The following SLC4A10 variants were observed in gnomAD, a reference collection of about 807,000 sequenced individuals.
SLC4A10 encodes the protein sodium-driven chloride bicarbonate exchanger.
In SLC4A10, 42 loss-of-function variants were observed where a neutral mutation model predicts 137.7. The observed-to-expected ratio is 0.30, with a 90% CI of 0.24 to 0.39. SLC4A10 has a LOEUF of 0.39. SLC4A10 is among the 10% of genes least tolerant of loss of function. SLC4A10 has a pLI of 1.00. For synonymous variants in SLC4A10, 474 were observed against 464.1 expected (o/e 1.02, Z -0.27); for missense variants, 925 against 1,355.0 (o/e 0.68, Z 4.98).
At chr2:161,759,613 A>G (rs2050032863) in intron 1 of SLC4A10, among the ~76,000 whole-genome samples, 1 of 151,990 alleles carries the variant, frequency 6.6e-6, no homozygotes, top group Non-Finnish European at 1.5e-5. Flanking sequence ...TATTTCACTT[A>G]GCGTAATGTA....
chr2:161,731,732 T>G (rs1307760165), intron 1 of SLC4A10, among the ~76,000 whole-genome samples: 1 of 152,170 alleles, frequency 6.6e-6, no homozygotes, highest in Non-Finnish European at 1.5e-5. Context: ...AATCTCTGTT[T>G]TTTGATGGGT....
intron 10 of SLC4A10, among the ~76,000 whole-genome samples, chr2:161,885,442 C>T (rs1575451882): frequency 1.3e-5 from 2 of 152,224 alleles, no homozygotes. Context: ...CTTCTCTGTA[C>T]TTGGAACACT....
chr2:161,980,620 G>T (rs1244797493), intron 26 of SLC4A10, among the ~76,000 whole-genome samples: 1 of 152,148 alleles, frequency 6.6e-6, no homozygotes, highest in Non-Finnish European at 1.5e-5. Flanking sequence ...CTGCACTCCA[G>T]CCTGGGCAAC....
chr2:161,892,435 C>G (rs1325364172), intron 10 of SLC4A10, among the ~76,000 whole-genome samples: 1 of 151,590 alleles, frequency 6.6e-6, no homozygotes, highest in Non-Finnish European at 1.5e-5. Flanking sequence ...ATCTCTTTCT[C>G]AAAATACAAC....
chr2:161,823,287 G>A (rs2057769610), intron 3 of SLC4A10, among the ~76,000 whole-genome samples: 1 of 152,326 alleles, frequency 6.6e-6, no homozygotes, highest in East Asian at 1.9e-4. Context: ...ACTGCATACA[G>A]TTTACTGTTG....
intron 1 of SLC4A10, among the ~76,000 whole-genome samples, chr2:161,665,232 T>C (rs1442452686): frequency 2.0e-5 from 3 of 151,734 alleles, no homozygotes; most frequent in Non-Finnish European, 3.0e-5. Context: ...TTCAAAAGAG[T>C]TCATTTTACT....
intron 1 of SLC4A10, among the ~76,000 whole-genome samples, chr2:161,758,761 C>T (rs923767534): frequency 1.3e-5 from 2 of 151,916 alleles, no homozygotes; most frequent in African/African-American, 4.8e-5. Flanking sequence ...CATCTATCCT[C>T]ATCCCCTTCT....
chr2:161,727,304 C>T (rs191905897), intron 1 of SLC4A10, among the ~76,000 whole-genome samples: 77 of 152,234 alleles, frequency 5.1e-4, no homozygotes, highest in African/African-American at 1.8e-3. Context: ...ATCAGTGTTC[C>T]CCCCAAAAAA....
At chr2:161,718,322 C>T (rs1244146779) in intron 1 of SLC4A10, among the ~76,000 whole-genome samples, 2 of 151,790 alleles carry the variant, frequency 1.3e-5, no homozygotes, top group Non-Finnish European at 2.9e-5. Flanking sequence ...TTGCTTATTT[C>T]TTGTCTTCTG....
intron 1 of SLC4A10, among the ~76,000 whole-genome samples, chr2:161,637,102 C>T (rs377600478): frequency 1.3e-4 from 16 of 122,316 alleles, no homozygotes; most frequent in South Asian, 2.5e-4. Context: ...TACGTATATA[C>T]GTATTTATGT....
chr2:161,852,080 G>A (rs771978170), intron 4 of SLC4A10, among the ~76,000 whole-genome samples: 17 of 152,000 alleles, frequency 1.1e-4, no homozygotes, highest in Admixed American at 2.0e-4. Context: ...TTGCAGAGAC[G>A]TCATCTCACT....
intron 1 of SLC4A10, among the ~76,000 whole-genome samples, chr2:161,690,056 C>A (rs569994813): frequency 3.9e-5 from 6 of 152,138 alleles, no homozygotes; most frequent in Non-Finnish European, 7.4e-5. Context: ...ATTCATCTGA[C>A]AAAGGTCTAA....
intron 3 of SLC4A10, among the ~76,000 whole-genome samples, chr2:161,817,450 G>A (rs1208815508): frequency 2.0e-5 from 3 of 152,056 alleles, no homozygotes; most frequent in East Asian, 1.9e-4. Flanking sequence ...CTTTGATGGT[G>A]ATTTCTTTTG....
intron 10 of SLC4A10, among the ~76,000 whole-genome samples, chr2:161,890,642 G>C (rs2062817102): frequency 1.3e-5 from 2 of 152,028 alleles, no homozygotes; most frequent in African/African-American, 2.4e-5. Flanking sequence ...CCATTTGCTT[G>C]GTAAATGTTC....
chr2:161,975,678 A>T (rs1699270745), intron 24 of SLC4A10, among the ~76,000 whole-genome samples: 1 of 152,212 alleles, frequency 6.6e-6, no homozygotes, highest in African/African-American at 2.4e-5. Flanking sequence ...TCCTCTTAAA[A>T]GTTGCATTTG....
At chr2:161,883,544 G>A (rs1234175511) in intron 10 of SLC4A10, among the ~76,000 whole-genome samples, 1 of 152,112 alleles carries the variant, frequency 6.6e-6, no homozygotes, top group Non-Finnish European at 1.5e-5. Flanking sequence ...AGTTTACAAC[G>A]ACTGCCATAA....
chr2:161,686,708 A>T (rs1343341049), intron 1 of SLC4A10, among the ~76,000 whole-genome samples: 2 of 152,212 alleles, frequency 1.3e-5, no homozygotes, highest in African/African-American at 4.8e-5. Flanking sequence ...ATGCCCTGAC[A>T]TTGGCATTAG....
At chr2:161,717,497 C>T (rs571836593) in intron 1 of SLC4A10, among the ~76,000 whole-genome samples, 14 of 152,032 alleles carry the variant, frequency 9.2e-5, no homozygotes, top group South Asian at 4.1e-4. Flanking sequence ...GTTTTTAAGA[C>T]GAAGGGATGT....
chr2:161,965,199 A>C lies in SLC4A10; in HGVS notation c.3159+26A>C, dbSNP rs776556013. ...GTAAGAGCAAAATCAATGTTTTATA[A>C]AGAAAGAAAAAAGGAACATAGTAAT... On this transcript the variant is annotated intron_variant, in intron 23 of 26. Coordinates refer to ENST00000446997, the MANE Select transcript of SLC4A10 (RefSeq NM_001178015.2). 1.3e-5 allele frequency: 20 copies of C among 1,577,712 alleles called. No homozygotes were observed. The South Asian group carries it at 2.2e-4, about 17-fold the overall frequency.
Sources: gnomAD v4.1 joint callset for allele counts (sites outside exome capture counted in the v4.1 genomes callset) on GRCh38, gnomAD v4.1.1 for gene constraint, MANE v1.5 for transcripts, NCBI Gene and HGNC (gene_info 2026-07-23, HGNC 2026-07-21) for gene names.